The following TPH2 variants were observed in gnomAD, a reference collection of about 807,000 sequenced individuals.
TPH2 encodes tryptophan 5-hydroxylase 2.
Under a neutral mutation model 59.1 loss-of-function variants are expected in TPH2, and 27 were observed. The observed-to-expected ratio is 0.46, with a 90% confidence interval of 0.34 to 0.63. TPH2 has a LOEUF of 0.63. Among genes scored for constraint, TPH2 ranks in the 30% least tolerant of loss-of-function variants. The pLI, the probability that TPH2 is intolerant of heterozygous loss-of-function variation, is 0.01. For missense variants in TPH2, 523 were observed against 588.3 expected (o/e 0.89, Z 1.15); for synonymous variants, 220 against 210.5 (o/e 1.05, Z -0.39).
intron 8 of TPH2, among the ~76,000 whole-genome samples, chr12:72,011,610 G>A (rs182205623): frequency 6.6e-6 from 1 of 152,114 alleles, no homozygotes; most frequent in Non-Finnish European, 1.5e-5. Context: ...GTCTCCAGTT[G>A]GCTACAACCT....
intron 7 of TPH2, among the ~76,000 whole-genome samples, chr12:71,993,579 G>A (rs1420750717): frequency 6.6e-6 from 1 of 152,192 alleles, no homozygotes; most frequent in Non-Finnish European, 1.5e-5. Context: ...CCAAATGAAA[G>A]CTCAGGCAAA....
In TPH2 at chr12:71,994,529, G is replaced by A. The variant is rs1872648342; in HGVS notation, c.1032G>A (p.Leu344=). The change falls in exon 8 of 11, where the codon CTG becomes CTA. Residue 344 remains leucine (L), a synonymous_variant. Transcript: ENST00000333850. The stretch of plus-strand genomic sequence containing the variant: ...CACAAGAAATAGGTCTGGCGTCTCT[G>A]GGAGCATCAGATGAAGATGTTCAGA... ...QFSQEIGLAS[L]GASDEDVQKL... is the part of the protein sequence containing the mutation. 2 of 1,613,934 alleles carry A rather than the reference G, an allele frequency of 1.2e-6. No individual in the cohort carries two copies. The highest frequency in any genetic ancestry group is 1.1e-5 in the South Asian group (1 of 91,082).
intron 4 of TPH2, among the ~76,000 whole-genome samples, chr12:71,947,408 A>G (rs898605653): frequency 6.6e-6 from 1 of 151,264 alleles, no homozygotes; most frequent in Admixed American, 6.6e-5. Flanking sequence ...TTTGATTTCA[A>G]TTGAGAGAGG....
At chr12:71,976,599 T>C (rs1457648561) in intron 6 of TPH2, among the ~76,000 whole-genome samples, 2 of 152,196 alleles carry the variant, frequency 1.3e-5, no homozygotes, top group East Asian at 3.8e-4. Context: ...TGATGTAATA[T>C]GGAAAAAGAA....
chr12:71,992,721 T>C (rs1872608175), intron 7 of TPH2, among the ~76,000 whole-genome samples: 1 of 152,254 alleles, frequency 6.6e-6, no homozygotes. Context: ...CTCTTATTTA[T>C]ATTTATTATT....
At chr12:72,024,786 G>A (rs149818586) in intron 9 of TPH2, among the ~76,000 whole-genome samples, 39 of 152,240 alleles carry the variant, frequency 2.6e-4, no homozygotes, top group African/African-American at 7.2e-4. Flanking sequence ...GGACAGAATC[G>A]TCTGGAAATG....
At chr12:72,017,189 T>C (rs116631935) in intron 8 of TPH2, among the ~76,000 whole-genome samples, 4,515 of 152,284 alleles carry the variant, frequency 0.03, 217 homozygotes, top group African/African-American at 0.1. Flanking sequence ...TTCAAGCTTT[T>C]GCCACTGCCC....
intron 5 of TPH2, chr12:71,961,507 C>T (rs771083730): frequency 7.4e-7 from 1 of 1,347,496 alleles, no homozygotes; most frequent in Non-Finnish European, 9.8e-7. Flanking sequence ...CAAGATGTAT[C>T]TGATTAAATC....
chr12:71,952,808 G>T (rs1269984581), intron 5 of TPH2, among the ~76,000 whole-genome samples: 1 of 152,160 alleles, frequency 6.6e-6, no homozygotes, highest in Non-Finnish European at 1.5e-5. Flanking sequence ...TCACAGGGTT[G>T]TATTAAGAAC....
intron 2 of TPH2, among the ~76,000 whole-genome samples, chr12:71,943,448 A>C (rs1246762285): frequency 1.3e-5 from 2 of 152,128 alleles, no homozygotes; most frequent in East Asian, 3.9e-4. Flanking sequence ...AGAACACATC[A>C]CTGGGGGAAA....
chr12:72,025,384 A>G (rs1592417766), intron 9 of TPH2, among the ~76,000 whole-genome samples: 1 of 152,136 alleles, frequency 6.6e-6, no homozygotes, highest in Non-Finnish European at 1.5e-5. Context: ...CTTAAACAGA[A>G]CACATTCTAT....
intron 5 of TPH2, among the ~76,000 whole-genome samples, chr12:71,956,805 T>G (rs1274619744): frequency 6.6e-6 from 1 of 152,092 alleles, no homozygotes; most frequent in Non-Finnish European, 1.5e-5. Flanking sequence ...AGATGGGGTT[T>G]CCCCGTGTTG....
intron 4 of TPH2, among the ~76,000 whole-genome samples, chr12:71,945,388 T>C (rs902543287): frequency 2.6e-5 from 4 of 152,140 alleles, no homozygotes; most frequent in Non-Finnish European, 4.4e-5. Flanking sequence ...CAGTTAATAG[T>C]CTGGGAGAAG....
chr12:72,028,576 A>G (rs763835442), intron 9 of TPH2, among the ~76,000 whole-genome samples: 67 of 152,154 alleles, frequency 4.4e-4, no homozygotes, highest in Non-Finnish European at 1.6e-4. Flanking sequence ...AAATGAGGCC[A>G]TTTATATGGG....
intron 2 of TPH2, among the ~76,000 whole-genome samples, chr12:71,942,528 A>T (rs1030921043): frequency 2.0e-5 from 3 of 152,216 alleles, no homozygotes; most frequent in Non-Finnish European, 4.4e-5. Flanking sequence ...GTGGAAAGAT[A>T]GCTGCAATTG....
At chr12:72,008,822 G>A (rs1873023156) in intron 8 of TPH2, among the ~76,000 whole-genome samples, 1 of 152,082 alleles carries the variant, frequency 6.6e-6, no homozygotes, top group Non-Finnish European at 1.5e-5. Flanking sequence ...AGAAGCCCTT[G>A]TTCATTGTCC....
Position 72,031,820 on chromosome 12 carries a change from C to A in TPH2, c.*125C>A. ...CTAATAAGCATGCAATTCCATATAT[C>A]TATACCATCTTGTAACTCACTGTGT... On this transcript the variant is annotated 3_prime_UTR_variant, in exon 11 of 11. Transcript: ENST00000333850. The A allele has an allele frequency of 9.2e-7, 1 of 1,084,908 alleles. No homozygotes were observed. Among genetic ancestry groups the A allele is most frequent in the Non-Finnish European group, 1.4e-6 (1 of 711,790 alleles). 67.2% of individuals were successfully genotyped at this position (1,084,908 alleles called of 1,614,324 possible).
intron 7 of TPH2, among the ~76,000 whole-genome samples, chr12:71,987,589 C>G (rs1417826524): frequency 6.6e-6 from 1 of 152,186 alleles, no homozygotes; most frequent in Non-Finnish European, 1.5e-5. Context: ...TGGCTCACGC[C>G]TGTAATCCTA....
At chr12:71,982,514 A>G (rs1451250563) in intron 7 of TPH2, among the ~76,000 whole-genome samples, 2 of 152,162 alleles carry the variant, frequency 1.3e-5, no homozygotes, top group Non-Finnish European at 2.9e-5. Context: ...GATCTTTTTA[A>G]TCCTTGTATA....
Sources: gnomAD v4.1 joint callset for allele counts (sites outside exome capture counted in the v4.1 genomes callset) on GRCh38, gnomAD v4.1.1 for gene constraint, MANE v1.5 for transcripts, NCBI Gene and HGNC (gene_info 2026-07-23, HGNC 2026-07-21) for gene names.